Variants in SGPP1 observed in about 807,000 individuals in gnomAD.
SGPP1 encodes sphingosine-1-phosphate phosphatase 1, also known as hSPP1.
SGPP1 carries 21 observed loss-of-function variants against 33.0 expected under a neutral mutation model. The observed-to-expected ratio is 0.64, with a 90% CI of 0.45 to 0.92. The LOEUF is 0.92. Ranked by LOEUF, SGPP1 falls within the 40% of genes least tolerant of loss-of-function variation. The pLI is 0.00. For missense variants in SGPP1, 543 were observed against 589.4 expected (o/e 0.92, Z 0.81); for synonymous variants, 239 against 241.2 (o/e 0.99, Z 0.08).
intron 1 of SGPP1, among the ~76,000 whole-genome samples, chr14:63,723,869 C>T (rs1401579937): frequency 6.6e-6 from 1 of 151,998 alleles, no homozygotes. Context: ...TAAACAACCC[C>T]GAGTTTGTAC....
intron 1 of SGPP1, among the ~76,000 whole-genome samples, chr14:63,700,553 G>T (rs1037359777): frequency 6.6e-6 from 1 of 152,092 alleles, no homozygotes; most frequent in Non-Finnish European, 1.5e-5. Context: ...GGGAGTATAA[G>T]TTCCTATTCT....
rs1885906227 is a variant in SGPP1 at position 63,727,378 on chromosome 14, C to A, written c.567G>T (p.Pro189=). 6.2e-7 allele frequency: 1 copy of A among 1,614,152 alleles called. No individual in the cohort carries two copies. The highest frequency in any genetic ancestry group is 8.5e-7 in the Non-Finnish European group (1 of 1,180,030). The change falls in exon 1 of 3, where the codon CCG becomes CCT. Residue 189 remains proline (P), a synonymous_variant. Coordinates refer to ENST00000247225, the MANE Select transcript of SGPP1 (RefSeq NM_030791.4). ...DIIRWPRPAS[P]PVVKLEVFYN... Reference sequence around the variant, plus strand: ...AGAAGACCTCCAACTTGACCACGGGCGGCGAGGCGGGCCTCGGCCAGCGGA... The same window carrying A: ...AGAAGACCTCCAACTTGACCACGGGAGGCGAGGCGGGCCTCGGCCAGCGGA...
At chr14:63,723,234 T>C (rs1885812293) in intron 1 of SGPP1, among the ~76,000 whole-genome samples, 1 of 152,176 alleles carries the variant, frequency 6.6e-6, no homozygotes, top group South Asian at 2.1e-4. Context: ...CAATTCAGGC[T>C]ACAAAAAATT....
intron 1 of SGPP1, among the ~76,000 whole-genome samples, chr14:63,720,079 T>C (rs1885737638): frequency 7.0e-6 from 1 of 142,770 alleles, no homozygotes; most frequent in African/African-American, 2.6e-5. Context: ...TGAGCAAAGA[T>C]GGCACCACTG....
Position 63,727,565 on chromosome 14 carries a change from G to A in SGPP1, c.380C>T (p.Pro127Leu). 3 of 1,603,982 alleles carry A rather than the reference G, an allele frequency of 1.9e-6. No individual in the cohort carries two copies. The highest frequency in any genetic ancestry group is 1.1e-5 in the South Asian group (1 of 90,112). The change falls in exon 1 of 3, where the codon CCG becomes CTG. Residue 127 changes from proline to leucine, a missense_variant. Coordinates refer to ENST00000247225, the MANE Select transcript of SGPP1 (RefSeq NM_030791.4). ...GCCGAAGCAGAACAGGCAGTAGAGC[G>A]GCCAGTTGCTCACGCGGGCCAGCTG... is the stretch of plus-strand genomic sequence containing the variant. ...EGQLARVSNW[P>L]LYCLFCFGTE...
At chr14:63,694,390 CAT>C (rs1416443500) in intron 2 of SGPP1, among the ~76,000 whole-genome samples, 1 of 151,820 alleles carries the variant, frequency 6.6e-6, no homozygotes, top group Non-Finnish European at 1.5e-5. Context: ...TATCAATTGA[CAT>C]AAAAAATCCA....
chr14:63,708,729 T>C (rs1885466535), intron 1 of SGPP1, among the ~76,000 whole-genome samples: 2 of 152,226 alleles, frequency 1.3e-5, no homozygotes, highest in African/African-American at 4.8e-5. Context: ...TTCTAAGAGC[T>C]TTTACAAATA....
In SGPP1 at chr14:63,724,639, A is replaced by T. The variant is rs546383759; in HGVS notation, c.684+2622T>A. Among the ~76,000 whole-genome samples the T allele has an allele frequency of 1.9e-4, 28 of 150,022 alleles. 1 individual carries two copies. The South Asian group carries it at 4.2e-3, about 22-fold the overall frequency. The stretch of plus-strand genomic sequence containing the variant: ...TTTAAAAAAAAAAAAAAAAAAAAAA[A>T]AAGGAAAAGGAAAAGGAGGCCAGGC... On this transcript the variant is annotated intron_variant, in intron 1 of 2. Transcript: ENST00000247225.
chr14:63,707,170 C>T (rs958288191), intron 1 of SGPP1, among the ~76,000 whole-genome samples: 11 of 151,654 alleles, frequency 7.3e-5, no homozygotes, highest in African/African-American at 2.7e-4. Context: ...AGTGTTATTA[C>T]TGTTTCTCTT....
chr14:63,712,027 C>A, intron 1 of SGPP1, among the ~76,000 whole-genome samples: 1 of 133,370 alleles, frequency 7.5e-6, no homozygotes. Flanking sequence ...AAGACTCCAT[C>A]TCAAAAAAAA....
intron 1 of SGPP1, among the ~76,000 whole-genome samples, chr14:63,711,253 G>T (rs780216327): frequency 4.9e-4 from 74 of 152,082 alleles, no homozygotes; most frequent in Non-Finnish European, 9.7e-4. Context: ...GACCTCAGGT[G>T]ATCCGCCCAC....
rs529267096 is a variant in SGPP1 at position 63,727,747 on chromosome 14, G to A, written c.198C>T (p.Pro66=). 1.8e-5 allele frequency: 27 copies of A among 1,479,908 alleles called. No individual in the cohort carries two copies. Among genetic ancestry groups the A allele is most frequent in the Middle Eastern group, 2.2e-4 (1 of 4,584 alleles). The allele number at this position is 1,479,908 out of a possible 1,614,324, so 91.7% of individuals were successfully genotyped here. The part of the protein sequence containing the change: ...RGRQPGAPGG[P]QPPGSDRNQC... ...GATTGCGGTCGCTCCCGGGAGGCTG[G>A]GGGCCTCCAGGCGCCCCTGGCTGCC... is the stretch of plus-strand genomic sequence containing the variant. The change falls in exon 1 of 3, where the codon CCC becomes CCT. Residue 66 remains proline, a synonymous_variant. Coordinates refer to ENST00000247225, the MANE Select transcript of SGPP1 (RefSeq NM_030791.4).
intron 1 of SGPP1, among the ~76,000 whole-genome samples, chr14:63,707,412 G>C (rs2139643951): frequency 6.6e-6 from 1 of 152,230 alleles, no homozygotes; most frequent in East Asian, 1.9e-4. Context: ...ACACGTCAGA[G>C]CTACAGGCAG....
At chr14:63,698,048 T>C (rs1168101194) in intron 2 of SGPP1, among the ~76,000 whole-genome samples, 1 of 152,194 alleles carries the variant, frequency 6.6e-6, no homozygotes, top group East Asian at 1.9e-4. Context: ...ACAGGGTCCC[T>C]GTGCTGCTGC....
chr14:63,726,066 C>T (rs1326009786), intron 1 of SGPP1, among the ~76,000 whole-genome samples: 1 of 152,172 alleles, frequency 6.6e-6, no homozygotes, highest in African/African-American at 2.4e-5. Flanking sequence ...CCTAATTCTG[C>T]CATTCTTACT....
At chr14:63,699,925 T>C (rs1287661211) in intron 1 of SGPP1, among the ~76,000 whole-genome samples, 1 of 152,124 alleles carries the variant, frequency 6.6e-6, no homozygotes, top group Non-Finnish European at 1.5e-5. Flanking sequence ...AACATTAGTA[T>C]ACAGAAGGAT....
chr14:63,719,886 G>A (rs1003441109), intron 1 of SGPP1, among the ~76,000 whole-genome samples: 4 of 148,912 alleles, frequency 2.7e-5, no homozygotes, highest in South Asian at 2.1e-4. Context: ...AGGCAGAGGC[G>A]GGCGGATCAC....
chr14:63,693,937 T>C (rs975808840), intron 2 of SGPP1, among the ~76,000 whole-genome samples: 1 of 152,184 alleles, frequency 6.6e-6, no homozygotes, highest in African/African-American at 2.4e-5. Context: ...ATAATAGATA[T>C]AAGCATATGT....
At chr14:63,691,525 G>A (rs1358635439) in intron 2 of SGPP1, among the ~76,000 whole-genome samples, 1 of 151,880 alleles carries the variant, frequency 6.6e-6, no homozygotes, top group Admixed American at 6.6e-5. Context: ...TCTCTTCTTT[G>A]ATTCCACTGC....
Sources: gnomAD v4.1 joint callset for allele counts (sites outside exome capture counted in the v4.1 genomes callset) on GRCh38, gnomAD v4.1.1 for gene constraint, MANE v1.5 for transcripts, NCBI Gene and HGNC (gene_info 2026-07-23, HGNC 2026-07-21) for gene names.